The following CHAT variants were observed in gnomAD, a reference collection of about 807,000 sequenced individuals.
The protein encoded by CHAT is acetyl CoA:choline O-acetyltransferase.
Under a neutral mutation model 76.9 loss-of-function variants are expected in CHAT, and 61 were observed. The ratio of observed to expected loss-of-function variants is 0.79; its 90% CI spans 0.65 to 0.98. The LOEUF (loss-of-function observed/expected upper bound fraction) is 0.98. Ranked by LOEUF, CHAT falls within the 50% of genes least tolerant of loss-of-function variation. The pLI, the probability that CHAT is intolerant of heterozygous loss-of-function variation, is 0.00. For synonymous variants in CHAT, 407 were observed against 397.4 expected, an observed-to-expected ratio of 1.02 and a Z score of -0.29; for missense variants, 946 against 986.9, an observed-to-expected ratio of 0.96 and a Z score of 0.56.
rs866975495 is a variant in CHAT, at chr10:49,614,413, C to T, written c.224C>T (p.Pro75Leu). 3.9e-6 allele frequency: 6 copies of T among 1,547,298 alleles called. No homozygotes were observed. The South Asian group carries it at 4.8e-5, about 12-fold the overall frequency. ...CCCCCACCCCTTCCGGCTCACACCC[C>T]CGCCCACACTCCTGAGTGGTGCGGT... ...TRPPPLPAHT[P>L]AHTPEWCGAA... Residue 75 changes from proline to leucine, a missense_variant, in exon 1 of 15, where the codon CCC (proline) becomes CTC (leucine). This residue lies in a region of CHAT where 548 missense variants were observed against 516.2 expected (regional missense o/e 1.06). Coordinates refer to ENST00000337653, the MANE Select transcript of CHAT (RefSeq NM_020549.5).
Position 49,664,721 on chromosome 10 carries a change from G to A in CHAT, c.1978-56G>A, listed in dbSNP as rs1590630589. Reference sequence around the variant, plus strand: ...GAAAACAGAGAAGCCAAGCCCAGTCGAGGCTGGCGGGCTGCATTCCAGAAC... The same window carrying A: ...GAAAACAGAGAAGCCAAGCCCAGTCAAGGCTGGCGGGCTGCATTCCAGAAC... On this transcript the variant is annotated intron_variant, in intron 14 of 14. Transcript: ENST00000337653. The A allele has an allele frequency of 7.4e-6, 12 of 1,611,668 alleles. No individual in the cohort carries two copies. The East Asian group carries it at 1.8e-4, about 24-fold the overall frequency.
At chr10:49,617,076 C>T (rs868068291) in intron 2 of CHAT, among the ~76,000 whole-genome samples, 24 of 152,256 alleles carry the variant, frequency 1.6e-4, no homozygotes, top group Non-Finnish European at 2.9e-5. Flanking sequence ...TCCTCCCTCC[C>T]GCCCCAGCCA....
chr10:49,645,286 T>C (rs934432337), intron 7 of CHAT, among the ~76,000 whole-genome samples: 6 of 152,192 alleles, frequency 3.9e-5, no homozygotes, highest in Non-Finnish European at 8.8e-5. Context: ...CTCTCACCCC[T>C]GCCCTGGGTG....
rs1330560012 is a variant in CHAT, at chr10:49,646,546, A to C, written c.1153A>C (p.Ile385Leu). Reference protein sequence around the residue: ...RDSLDMIERCICLVCLDAPGG... With the variant: ...RDSLDMIERCLCLVCLDAPGG... Reference sequence around the variant, plus strand: ...CTCGCTGGACATGATTGAGCGCTGCATCTGCCTTGTATGCCTGGACGCGCC... The same window carrying C: ...CTCGCTGGACATGATTGAGCGCTGCCTCTGCCTTGTATGCCTGGACGCGCC... Residue 385 changes from isoleucine to leucine, a missense_variant, in exon 8 of 15, where the codon ATC becomes CTC. Transcript: ENST00000337653. The C allele has an allele frequency of 6.2e-7, 1 of 1,614,240 alleles. No homozygotes were observed. Among genetic ancestry groups the C allele is most frequent in the South Asian group, 1.1e-5 (1 of 91,092 alleles).
At chr10:49,664,669 T>G in intron 14 of CHAT, 108 bp from the exon 15 acceptor site, 1 of 1,307,564 alleles carries the variant, frequency 7.6e-7, no homozygotes, top group East Asian at 2.3e-5. Context: ...TCACTTGATT[T>G]GGTTAATTCA....
Position 49,616,646 on chromosome 10 carries a change from C to A in CHAT, c.387+44C>A, listed in dbSNP as rs769155206. 4 of 1,330,320 alleles carry A rather than the reference C, an allele frequency of 3.0e-6. No homozygotes were observed. In the Admixed American group the frequency reaches 5.6e-5, roughly 19 times the overall value. The allele number at this position is 1,330,320 out of a possible 1,614,324, so 82.4% of individuals were successfully genotyped here. Reference sequence around the variant, plus strand: ...CCTCTCTCAACCCTGCTTTCCCCACCTACATGCCCTTGCTTCTAGAACAGT... The same window carrying A: ...CCTCTCTCAACCCTGCTTTCCCCACATACATGCCCTTGCTTCTAGAACAGT... On this transcript the variant is annotated intron_variant, in intron 2 of 14. Transcript: ENST00000337653.
At chr10:49,619,959 G>A in intron 3 of CHAT, 43 bp downstream of exon 3, 1 of 1,579,772 alleles carries the variant, frequency 6.3e-7, no homozygotes, top group South Asian at 1.2e-5. Flanking sequence ...GGGGCGGGAG[G>A]CAGACCTGGA....
rs1840333755 is a variant in CHAT at position 49,666,055 on chromosome 10, T to A, written c.*1009T>A. On this transcript the variant is annotated 3_prime_UTR_variant, in exon 15 of 15. Transcript: ENST00000337653. ...ATTAATTTCAGAAATTCTTAGTGATTCAAGCAGGACCCTTAGGCAGCTGGG... is the reference window on the plus strand; with the variant it reads ...ATTAATTTCAGAAATTCTTAGTGATACAAGCAGGACCCTTAGGCAGCTGGG... 6.6e-6 allele frequency among the ~76,000 whole-genome samples: 1 copy of A among 152,228 alleles called. No individual in the cohort carries two copies. The highest frequency in any genetic ancestry group is 2.4e-5 in the African/African-American group (1 of 41,462).
At chr10:49,649,369 G>C (rs1590610634) in intron 9 of CHAT, 139 bp from the exon 10 acceptor site, 1 of 1,182,764 alleles carries the variant, frequency 8.5e-7, no homozygotes, top group African/African-American at 1.5e-5. Flanking sequence ...TCTGCACGGT[G>C]GTTCAGGGGC....
At chr10:49,620,078 G>A (rs1838649483) in intron 3 of CHAT, among the ~76,000 whole-genome samples, 162 bp downstream of exon 3, 1 of 152,064 alleles carries the variant, frequency 6.6e-6, no homozygotes. Context: ...GGCATGGATT[G>A]GAGGACAGGA....
Position 49,662,783 on chromosome 10 carries a change from G to C in CHAT, c.1977+1G>C, listed in dbSNP as rs1840236742. ...CCGGTTTGTCCTCTCCACTAGCCAG[G>C]TACGGCCCCGTGCAGCTATCGCCCA... On this transcript the variant is annotated splice_donor_variant, in intron 14 of 14. Transcript: ENST00000337653. LOFTEE classifies it high-confidence loss of function. 6.2e-7 allele frequency: 1 copy of C among 1,614,204 alleles called. No individual in the cohort carries two copies. Among genetic ancestry groups the C allele is most frequent in the Non-Finnish European group, 8.5e-7 (1 of 1,180,040 alleles).
At position 49,614,567 on chromosome 10, in the gene CHAT, G is replaced by A. The variant is rs1037214553; in HGVS notation, c.286+92G>A. The A allele has an allele frequency of 9.7e-6, 11 of 1,128,266 alleles. No homozygotes were observed. The East Asian group carries it at 1.8e-4, about 19-fold the overall frequency. 69.9% of individuals were successfully genotyped at this position (1,128,266 alleles called of 1,614,324 possible). A position where few individuals can be genotyped will look rare whatever the true frequency, so the allele number is the denominator to read the frequency against. ...TCTATCCAGGGACAGCACCGGGGCC[G>A]AGAGGCCCCAGGACTCGTGGAGTCC... is the stretch of plus-strand genomic sequence containing the variant. On this transcript the variant is annotated intron_variant, in intron 1 of 14. Coordinates refer to ENST00000337653, the MANE Select transcript of CHAT (RefSeq NM_020549.5).
At chr10:49,654,156 G>A (rs1839963322) in intron 11 of CHAT, among the ~76,000 whole-genome samples, 1 of 152,250 alleles carries the variant, frequency 6.6e-6, no homozygotes, top group African/African-American at 2.4e-5. Flanking sequence ...GGACCATAGA[G>A]ACAGGACAGG....
At position 49,655,090 on chromosome 10, in the gene CHAT, C is replaced by A. The variant is rs776745899; in HGVS notation, c.1635-5C>A. On this transcript the variant is annotated splice_region_variant and splice_polypyrimidine_tract_variant and intron_variant, in intron 11 of 14. Transcript: ENST00000337653. ...CATGTGCCATTCATCCTTCATCCCA[C>A]GCAGGCTCCATCGAAGACTGGTGCC... The A allele has an allele frequency of 5.0e-6, 8 of 1,614,086 alleles. No homozygotes were observed. Among genetic ancestry groups the A allele is most frequent in the Non-Finnish European group, 6.8e-6 (8 of 1,179,954 alleles).
intron 8 of CHAT, among the ~76,000 whole-genome samples, chr10:49,647,626 T>G (rs1295784120): frequency 2.6e-5 from 4 of 152,224 alleles, no homozygotes; most frequent in Non-Finnish European, 4.4e-5. Flanking sequence ...TGTTTTAGCC[T>G]CTACAGTGGT....
At chr10:49,655,503 G>T in intron 13 of CHAT, 55 bp downstream of exon 13, 1 of 1,538,326 alleles carries the variant, frequency 6.5e-7, no homozygotes, top group Non-Finnish European at 9.0e-7. Flanking sequence ...CCTGGGGCCT[G>T]CCAGAATGGG....
intron 7 of CHAT, among the ~76,000 whole-genome samples, chr10:49,643,495 T>G (rs1025905964): frequency 2.6e-5 from 4 of 152,148 alleles, no homozygotes; most frequent in African/African-American, 9.7e-5. Flanking sequence ...CTGGCTAGCC[T>G]GAGCCTGCAG....
chr10:49,623,472 T>C (rs1175977976), intron 5 of CHAT, among the ~76,000 whole-genome samples: 7 of 152,200 alleles, frequency 4.6e-5, no homozygotes, highest in South Asian at 4.1e-4. Flanking sequence ...CACTTTGCAA[T>C]GTAGTTATGC....
At chr10:49,620,950 G>A (rs1234645778) in intron 4 of CHAT, among the ~76,000 whole-genome samples, 1 of 152,216 alleles carries the variant, frequency 6.6e-6, no homozygotes. Context: ...ACTTGTCCCT[G>A]GGAAACACTG....
Sources: gnomAD v4.1 joint callset for allele counts (sites outside exome capture counted in the v4.1 genomes callset) on GRCh38, gnomAD v4.1.1 for gene constraint, gnomAD v4.1.1 regional missense constraint, MANE v1.5 for transcripts, NCBI Gene and HGNC (gene_info 2026-07-23, HGNC 2026-07-21) for gene names.